Variants in FGL1 observed in about 807,000 individuals in gnomAD.
FGL1 encodes fibrinogen like 1.
In FGL1, 59 loss-of-function variants were observed where a neutral mutation model predicts 43.7. That is an observed-to-expected ratio of 1.35 (90% CI 1.10 to 1.68). The LOEUF is 1.68. Ranked by LOEUF, FGL1 falls within the 40% of genes most tolerant of loss-of-function variation. FGL1 has a pLI of 0.00. For synonymous variants in FGL1, 192 were observed against 126.5 expected, an observed-to-expected ratio of 1.52 and a Z score of -3.48; for missense variants, 596 against 373.0, an observed-to-expected ratio of 1.60 and a Z score of -4.92.
chr8:17,872,673 G>T (rs937790701), intron 5 of FGL1, among the ~76,000 whole-genome samples: 2 of 152,110 alleles, frequency 1.3e-5, no homozygotes, highest in African/African-American at 4.8e-5. Context: ...TTTTATGAAG[G>T]ATTCAGGATC....
rs868681899 is a variant in FGL1 at position 17,894,053 on chromosome 8, A to T, written c.-18+1394T>A. Among the ~76,000 whole-genome samples the T allele has an allele frequency of 5.1e-4, 74 of 145,824 alleles. 12 individuals carry two copies. Among genetic ancestry groups the T allele is most frequent in the Admixed American group, 1.9e-3 (28 of 14,934 alleles). On this transcript the variant is annotated intron_variant, in intron 1 of 7. Transcript: ENST00000427924. The stretch of plus-strand genomic sequence containing the variant: ...TTCTAATTCCTTCCCCACTATATTT[A>T]AAAAAAATTTAATTAATTACGCTGC...
At chr8:17,865,008 A>C (rs1454795295) in intron 7 of FGL1, among the ~76,000 whole-genome samples, 6 of 151,710 alleles carry the variant, frequency 4.0e-5, no homozygotes, top group African/African-American at 1.5e-4. Context: ...CTGGTCTCCA[A>C]CTCCTGAGCT....
At chr8:17,885,717 T>A (rs1585147579) in intron 1 of FGL1, 146 bp from the exon 2 acceptor site, 1 of 614,066 alleles carries the variant, frequency 1.6e-6, no homozygotes, top group African/African-American at 1.8e-5. Context: ...TCCCAGACTT[T>A]CCCAGCCTCT....
At position 17,874,153 on chromosome 8, in the gene FGL1, T is replaced by A. The variant is rs758744653; in HGVS notation, c.405-37A>T. 3.2e-6 allele frequency: 5 copies of A among 1,555,840 alleles called. No homozygotes were observed. In the Admixed American group the frequency reaches 8.6e-5, roughly 27 times the overall value. The stretch of plus-strand genomic sequence containing the variant: ...AAAGTGGAAGCCGATTAGAGCAAAC[T>A]CCATTTGTGGTACCAAAGCGACCAC... On this transcript the variant is annotated intron_variant, in intron 4 of 7. Coordinates refer to ENST00000427924, the MANE Select transcript of FGL1 (RefSeq NM_004467.4).
At position 17,865,259 on chromosome 8, in the gene FGL1, C is replaced by T. The variant is rs1272567412; in HGVS notation, c.780-508G>A. On this transcript the variant is annotated intron_variant, in intron 7 of 7. Coordinates refer to ENST00000427924, the MANE Select transcript of FGL1 (RefSeq NM_004467.4). ...TCCTTGTAACCTCCAGCCTTACAAC[C>T]TCCTGACTCAGAACAGTGTTAATTT... Among the ~76,000 whole-genome samples the T allele has an allele frequency of 2.0e-5, 3 of 152,234 alleles. No individual in the cohort carries two copies. In the East Asian group the frequency reaches 5.8e-4, roughly 29 times the overall value.
chr8:17,873,995 A>C (rs2053404349), intron 5 of FGL1, 24 bp downstream of exon 5: 2 of 1,512,102 alleles, frequency 1.3e-6, no homozygotes, highest in Non-Finnish European at 1.8e-6. Context: ...ATTTCAAATA[A>C]ATCTGACATC....
Position 17,864,685 on chromosome 8 carries a change from C to T in FGL1, c.846G>A (p.Gly282=). Residue 282 remains glycine (G), a synonymous_variant, in exon 8 of 8, where the codon GGG becomes GGA. Coordinates refer to ENST00000427924, the MANE Select transcript of FGL1 (RefSeq NM_004467.4). ...ACCCATGCCAGGTGTACCAGACAAT[C>T]CCATTGTCTGTTTTAGCCGTGTAGG... ...SGPYTAKTDN[G]IVWYTWHGWW... 6.2e-7 allele frequency: 1 copy of T among 1,613,100 alleles called. No homozygotes were observed.
Position 17,873,968 on chromosome 8 carries a change from A to C in FGL1, c.502+51T>G, listed in dbSNP as rs541914162. The C allele has an allele frequency of 5.9e-6, 8 of 1,365,436 alleles. No homozygotes were observed. In the African/African-American group the frequency reaches 1.2e-4, roughly 21 times the overall value. The allele number at this position is 1,365,436 out of a possible 1,614,324, so 84.6% of individuals were successfully genotyped here. A position where few individuals can be genotyped will look rare whatever the true frequency, so the allele number is the denominator to read the frequency against. ...TATAATTTGGTTAAAAAAAAATTTT[A>C]GTGTTGTTTTTATTATATTTCAAAT... On this transcript the variant is annotated intron_variant, in intron 5 of 7. Coordinates refer to ENST00000427924, the MANE Select transcript of FGL1 (RefSeq NM_004467.4).
intron 3 of FGL1, among the ~76,000 whole-genome samples, chr8:17,881,410 C>G (rs2053533691): frequency 6.6e-6 from 1 of 151,670 alleles, no homozygotes; most frequent in Non-Finnish European, 1.5e-5. Flanking sequence ...GCTGGGATTA[C>G]AGGCGTGAGC....
At chr8:17,871,767 T>C (rs1464660471) in intron 5 of FGL1, among the ~76,000 whole-genome samples, 1 of 152,134 alleles carries the variant, frequency 6.6e-6, no homozygotes, top group East Asian at 1.9e-4. Context: ...ATGGGATACG[T>C]GGGTGGGGGC....
intron 3 of FGL1, among the ~76,000 whole-genome samples, chr8:17,880,965 A>G (rs1017444239): frequency 6.6e-6 from 1 of 152,162 alleles, no homozygotes; most frequent in African/African-American, 2.4e-5. Flanking sequence ...TATTTTCCTT[A>G]GTAATTCTGG....
In FGL1 at chr8:17,884,106, T is replaced by G. The variant is rs895599839; in HGVS notation, c.63+1386A>C. Among the ~76,000 whole-genome samples, 44 of 147,354 alleles carry G rather than the reference T, an allele frequency of 3.0e-4. 1 individual carries two copies. Among genetic ancestry groups the G allele is most frequent in the Middle Eastern group, 3.5e-3 (1 of 288 alleles). On this transcript the variant is annotated intron_variant, in intron 2 of 7. Transcript: ENST00000427924. ...TTCCCTCCCTCCCTCCCTTCCTTCT[T>G]TTCTTTTCTTTCTTTCCTTTCTTCC...
rs1320547970 is a variant in FGL1, at chr8:17,868,911, A to G, written c.591+5T>C. 1 of 1,584,910 alleles carries G rather than the reference A, an allele frequency of 6.3e-7. No individual in the cohort carries two copies. The highest frequency in any genetic ancestry group is 1.8e-5 in the Admixed American group (1 of 54,466). ...ACGGTTTTACTTCTTAGAAAATTGT[A>G]GTACCTTTTCATCTCCAACTTTGAA... On this transcript the variant is annotated splice_donor_5th_base_variant and intron_variant, in intron 6 of 7. Transcript: ENST00000427924.
intron 1 of FGL1, among the ~76,000 whole-genome samples, chr8:17,893,670 G>C (rs1210607375): frequency 1.4e-5 from 2 of 146,754 alleles, no homozygotes; most frequent in Admixed American, 6.7e-5. Context: ...ACTTTGATTA[G>C]CTTTAGAATA....
intron 1 of FGL1, among the ~76,000 whole-genome samples, chr8:17,894,255 A>G (rs1194538047): frequency 2.7e-5 from 4 of 147,252 alleles, no homozygotes; most frequent in Non-Finnish European, 5.9e-5. Context: ...AAGGAAGGAA[A>G]AAGTTATTGA....
intron 7 of FGL1, among the ~76,000 whole-genome samples, chr8:17,865,993 T>A (rs1389610421): frequency 1.3e-5 from 2 of 152,230 alleles, no homozygotes; most frequent in African/African-American, 4.8e-5. Context: ...AAGCCTACTG[T>A]GTTTTTAAAA....
intron 6 of FGL1, 48 bp from the exon 7 acceptor site, chr8:17,868,783 A>T (rs774251206): frequency 2.0e-6 from 3 of 1,533,402 alleles, no homozygotes; most frequent in Non-Finnish European, 2.6e-6. Context: ...CTCTATGACC[A>T]TTTTAAAATT....
intron 6 of FGL1, 46 bp from the exon 7 acceptor site, chr8:17,868,781 C>T (rs188763631): frequency 1.3e-6 from 2 of 1,540,766 alleles, no homozygotes; most frequent in Non-Finnish European, 1.8e-6. Context: ...TCCTCTATGA[C>T]CATTTTAAAA....
At chr8:17,876,271 G>C (rs1279567196) in intron 3 of FGL1, among the ~76,000 whole-genome samples, 3 of 152,010 alleles carry the variant, frequency 2.0e-5, no homozygotes, top group Non-Finnish European at 2.9e-5. Context: ...TTTGATACTA[G>C]ATTGCCAAAT....
Sources: gnomAD v4.1 joint callset for allele counts (sites outside exome capture counted in the v4.1 genomes callset) on GRCh38, gnomAD v4.1.1 for gene constraint, MANE v1.5 for transcripts, NCBI Gene and HGNC (gene_info 2026-07-23, HGNC 2026-07-21) for gene names.